The following ZBED6 variants were observed in gnomAD, a reference collection of about 807,000 sequenced individuals.
ZBED6 encodes the protein zinc finger BED domain-containing protein 6.
A neutral mutation model predicts 58.4 loss-of-function variants in ZBED6; 40 were observed. The observed-to-expected ratio is 0.68, with a 90% CI of 0.53 to 0.89. ZBED6 has a LOEUF of 0.89. ZBED6 is among the 40% of genes least tolerant of loss of function. The probability of loss-of-function intolerance (pLI) is 0.00; values close to 1 mark genes in which losing one functional copy is unlikely to be tolerated. For missense variants in ZBED6, 1,057 were observed against 1,003.9 expected (o/e 1.05, Z -0.71); for synonymous variants, 439 against 350.6 (o/e 1.25, Z -2.82).
At chr1:203,810,698 C>T (rs774957714) in intron 1 of ZBED6, among the ~76,000 whole-genome samples, 100 of 152,184 alleles carry the variant, frequency 6.6e-4, no homozygotes, top group Non-Finnish European at 2.8e-4. Flanking sequence ...GGAATACAGG[C>T]GTGAGCCACC....
chr1:203,815,456 C>T (rs59366140), intron 1 of ZBED6, among the ~76,000 whole-genome samples: 18,776 of 147,810 alleles, frequency 0.13, 1,556 homozygotes, highest in East Asian at 0.29. Flanking sequence ...TGGACTCAAG[C>T]GATCTGCCCA....
At chr1:203,795,664 G>A (rs982230381), upstream of ZBED6, 3 of 152,246 alleles carry the variant, frequency 2.0e-5, no homozygotes, top group African/African-American at 7.2e-5. Flanking sequence ...GACGCTGGCA[G>A]TCTTGGTTTT....
exon 17 of ZBED6, chr1:203,854,009 A>G (rs1207802743): frequency 2.6e-5 from 4 of 152,628 alleles, no homozygotes; most frequent in Admixed American, 1.3e-4. Context: ...ATTTTGTTTC[A>G]TATTTAAAGC....
At chr1:203,823,392 T>C (rs938280447) in intron 3 of ZBED6, among the ~76,000 whole-genome samples, 1 of 152,326 alleles carries the variant, frequency 6.6e-6, no homozygotes, top group Admixed American at 6.5e-5. Context: ...GGAAATCCAT[T>C]AGAGACTCAG....
intron 10 of ZBED6, among the ~76,000 whole-genome samples, chr1:203,838,902 A>G (rs1472991498): frequency 6.7e-6 from 1 of 149,340 alleles, no homozygotes; most frequent in Non-Finnish European, 1.5e-5. Context: ...ACAGTGAGCC[A>G]AGATCAGTCA....
chr1:203,798,328 T>C, exon 1 of ZBED6: 2 of 1,536,062 alleles, frequency 1.3e-6, no homozygotes, highest in Non-Finnish European at 1.7e-6. Flanking sequence ...ACATCTGCCG[T>C]TTGGAATTTT....
exon 17 of ZBED6, chr1:203,853,657 G>C (rs1689682006): frequency 6.6e-6 from 1 of 152,596 alleles, no homozygotes; most frequent in Non-Finnish European, 1.5e-5. Flanking sequence ...TGTCATGTTG[G>C]CTCCTAAGGA....
chr1:203,826,312 TA>T (rs1680502792), intron 3 of ZBED6, among the ~76,000 whole-genome samples: 1 of 151,582 alleles, frequency 6.6e-6, no homozygotes, highest in African/African-American at 2.4e-5. Context: ...CCTATACTTT[TA>T]AAAAATATTA....
chr1:203,809,413 G>A (rs1328390935), intron 1 of ZBED6, among the ~76,000 whole-genome samples: 1 of 150,858 alleles, frequency 6.6e-6, no homozygotes, highest in African/African-American at 2.4e-5. Context: ...CTGACCTCGT[G>A]ATCCGCCCAT....
intron 9 of ZBED6, 187 bp downstream of exon 9, chr1:203,834,040 G>T: frequency 7.9e-7 from 1 of 1,258,666 alleles, no homozygotes; most frequent in Non-Finnish European, 1.0e-6. Context: ...GATTTAAAGT[G>T]TTACAATTGA....
At chr1:203,847,355 C>G in exon 12 of ZBED6, 1 of 1,613,852 alleles carries the variant, frequency 6.2e-7, no homozygotes, top group Non-Finnish European at 8.5e-7. Flanking sequence ...CGTATCAAAA[C>G]CTTCTCTGAG....
chr1:203,797,468 T>C (rs1668929736), exon 1 of ZBED6: 1 of 1,423,630 alleles, frequency 7.0e-7, no homozygotes, highest in Non-Finnish European at 9.2e-7. Flanking sequence ...GTATTTCTGC[T>C]TGAGTAATAA....
chr1:203,821,958 C>T (rs1024457127), intron 3 of ZBED6, among the ~76,000 whole-genome samples: 9 of 152,070 alleles, frequency 5.9e-5, no homozygotes, highest in East Asian at 1.9e-4. Context: ...GGGGTTTCAC[C>T]GTGTTAGCCA....
intron 7 of ZBED6, among the ~76,000 whole-genome samples, chr1:203,830,579 G>A (rs1373334771): frequency 2.0e-5 from 3 of 152,176 alleles, no homozygotes; most frequent in African/African-American, 2.4e-5. Context: ...TTGGGAGGCC[G>A]AGGAGGGCGA....
exon 1 of ZBED6, chr1:203,797,727 C>A (rs1242687767): frequency 6.5e-7 from 1 of 1,534,800 alleles, no homozygotes. Context: ...GAAGGGTTTG[C>A]GAATTAAGGG....
chr1:203,805,982 G>A (rs542660594), intron 1 of ZBED6: 5 of 587,610 alleles, frequency 8.5e-6, no homozygotes, highest in South Asian at 4.4e-5. Flanking sequence ...TTCAATGACT[G>A]GATGGTGTAA....
At chr1:203,835,617 TGTCCAATAGCATTAGCAGGAAGATTG>T (rs1276547131) in intron 9 of ZBED6, 1 of 191,538 alleles carries the variant, frequency 5.2e-6, no homozygotes, top group Non-Finnish European at 1.2e-5. Context: ...TCAGATTCTG[TGTCCAATAGCATTAGCAGGAAGATTG>T]CTTTGGAATT....
intron 11 of ZBED6, among the ~76,000 whole-genome samples, 162 bp from the exon 12 acceptor site, chr1:203,847,020 AAG>A (rs1220859482): frequency 6.6e-6 from 1 of 151,988 alleles, no homozygotes; most frequent in Non-Finnish European, 1.5e-5. Flanking sequence ...AAAAAAGAAA[AAG>A]AAAAAAAGGA....
At chr1:203,830,038 C>A (rs1681757159) in intron 6 of ZBED6, 85 bp from the exon 7 acceptor site, 2 of 1,340,856 alleles carry the variant, frequency 1.5e-6, no homozygotes, top group African/African-American at 2.9e-5. Context: ...ATCATTTATT[C>A]AAAAATAAAT....
Sources: allele counts gnomAD v4.1 joint callset (sites outside exome capture counted in the v4.1 genomes callset), GRCh38; gene constraint gnomAD v4.1.1; transcripts MANE v1.5; gene names NCBI Gene and HGNC (gene_info 2026-07-23, HGNC 2026-07-21).